The following ARHGAP31 variants were observed in gnomAD, a reference collection of about 807,000 sequenced individuals.
The protein encoded by ARHGAP31 is Rho GTPase activating protein 31.
Under a neutral mutation model 113.9 loss-of-function variants are expected in ARHGAP31, and 34 were observed. The observed-to-expected ratio is 0.30, with a 90% CI of 0.23 to 0.40. ARHGAP31 has a LOEUF of 0.40. ARHGAP31 is among the 10% of genes least tolerant of loss of function. The pLI, the probability that ARHGAP31 is intolerant of heterozygous loss-of-function variation, is 1.00. For missense variants in ARHGAP31, 1,548 were observed against 1,767.1 expected (o/e 0.88, Z 2.22); for synonymous variants, 650 against 684.8 (o/e 0.95, Z 0.79).
intron 1 of ARHGAP31, among the ~76,000 whole-genome samples, chr3:119,301,361 G>A (rs558717910): frequency 6.6e-6 from 1 of 152,352 alleles, no homozygotes; most frequent in East Asian, 1.9e-4. Flanking sequence ...GTGAGGGAGA[G>A]CTGAAGGCCT....
In ARHGAP31 at chr3:119,383,245, A is replaced by G. The variant is rs72966429; in HGVS notation, c.682+19A>G. ...AATGATGGTAAGGACTCCTCCTAGC[A>G]TACACTCCACCAGCTTATCCTTCTT... On this transcript the variant is annotated intron_variant, in intron 6 of 11. Coordinates refer to ENST00000264245, the MANE Select transcript of ARHGAP31 (RefSeq NM_020754.4). 2.5e-6 allele frequency: 4 copies of G among 1,613,886 alleles called. No homozygotes were observed. Among genetic ancestry groups the G allele is most frequent in the Non-Finnish European group, 3.4e-6 (4 of 1,179,880 alleles).
intron 1 of ARHGAP31, among the ~76,000 whole-genome samples, chr3:119,336,713 A>G (rs1231913170): frequency 6.6e-6 from 1 of 152,260 alleles, no homozygotes; most frequent in Non-Finnish European, 1.5e-5. Context: ...TAGTTTTAGT[A>G]TAATCATATG....
chr3:119,329,832 T>C (rs1397033290), intron 1 of ARHGAP31: 1 of 985,352 alleles, frequency 1.0e-6, no homozygotes, highest in East Asian at 1.1e-4. Context: ...GAGGAGTCTG[T>C]CCGCACTGTC....
At chr3:119,396,838 G>C (rs1287287364) in intron 8 of ARHGAP31, among the ~76,000 whole-genome samples, 1 of 152,036 alleles carries the variant, frequency 6.6e-6, no homozygotes, top group African/African-American at 2.4e-5. Flanking sequence ...ATAAAGTATA[G>C]GAAAAAATGG....
chr3:119,336,433 C>T (rs1253042187), intron 1 of ARHGAP31, among the ~76,000 whole-genome samples: 1 of 152,106 alleles, frequency 6.6e-6, no homozygotes. Flanking sequence ...TACCATCATG[C>T]AGCAGCGGGA....
chr3:119,402,214 G>A lies in ARHGAP31; in HGVS notation c.1462G>A (p.Glu488Lys). ...CCAGCGCAAGGCGCTGAACATCTCC[G>A]AGCCCTTTGCGGTATCTGTGCCGCT... Reference protein sequence around the residue: ...RNQRKALNISEPFAVSVPLRV... With the variant: ...RNQRKALNISKPFAVSVPLRV... Residue 488 changes from glutamate to lysine, a missense_variant, in exon 10 of 12, where the codon GAG becomes AAG. Physicochemically the swap from Glu to Lys is moderately conservative, Grantham distance 56. Coordinates refer to ENST00000264245, the MANE Select transcript of ARHGAP31 (RefSeq NM_020754.4). 1 of 1,614,250 alleles carries A rather than the reference G, an allele frequency of 6.2e-7. No individual in the cohort carries two copies. Among genetic ancestry groups the A allele is most frequent in the East Asian group, 2.2e-5 (1 of 44,890 alleles).
At chr3:119,352,755 T>C (rs964538897) in intron 1 of ARHGAP31, among the ~76,000 whole-genome samples, 2 of 152,170 alleles carry the variant, frequency 1.3e-5, no homozygotes, top group African/African-American at 2.4e-5. Flanking sequence ...ATTGTTTTGG[T>C]GTAGGGGAGC....
chr3:119,363,356 G>A (rs2080226584), intron 1 of ARHGAP31, among the ~76,000 whole-genome samples: 1 of 152,076 alleles, frequency 6.6e-6, no homozygotes, highest in Admixed American at 6.5e-5. Flanking sequence ...GTTGAAGACA[G>A]GCAGAGGCTC....
chr3:119,381,854 C>A lies in ARHGAP31; in HGVS notation c.432-438C>A, dbSNP rs527733239. Among the ~76,000 whole-genome samples the A allele has an allele frequency of 7.2e-5, 11 of 152,248 alleles. No homozygotes were observed. In the East Asian group the frequency reaches 1.9e-3, roughly 27 times the overall value. ...ACAAAAAATTAGCCGGGCGTGGTGGCGGGCGCCTTTAGTTCCAGCTAGTGG... is the reference window on the plus strand; with the variant it reads ...ACAAAAAATTAGCCGGGCGTGGTGGAGGGCGCCTTTAGTTCCAGCTAGTGG... On this transcript the variant is annotated intron_variant, in intron 4 of 11. Coordinates refer to ENST00000264245, the MANE Select transcript of ARHGAP31 (RefSeq NM_020754.4).
At chr3:119,310,756 A>G (rs968447031) in intron 1 of ARHGAP31, among the ~76,000 whole-genome samples, 1 of 152,206 alleles carries the variant, frequency 6.6e-6, no homozygotes, top group African/African-American at 2.4e-5. Context: ...GACAACCACC[A>G]TTTAGCGAGA....
Position 119,294,485 on chromosome 3 carries a change from C to A in ARHGAP31, c.-420C>A. ...GCCCAGGGCGCAGGACCCACCGCAG[C>A]CCCCTGGGCAGTCTCCTCGCCCCGC... On this transcript the variant is annotated 5_prime_UTR_variant, in exon 1 of 12. Transcript: ENST00000264245. 2.3e-6 allele frequency: 1 copy of A among 436,322 alleles called. No individual in the cohort carries two copies. 27.0% of individuals were successfully genotyped at this position (436,322 alleles called of 1,614,324 possible). A position where few individuals can be genotyped will look rare whatever the true frequency, so the allele number is the denominator to read the frequency against.
chr3:119,298,859 G>C (rs10934489), intron 1 of ARHGAP31: 74,788 of 218,838 alleles, frequency 0.34, 15,787 homozygotes, highest in African/African-American at 0.65. Flanking sequence ...ATATACTTCC[G>C]AAGTTGTATG....
chr3:119,416,090 T>A lies in ARHGAP31; in HGVS notation c.4161T>A (p.Leu1387=). 6 of 1,614,094 alleles carry A rather than the reference T, an allele frequency of 3.7e-6. No homozygotes were observed. Among genetic ancestry groups the A allele is most frequent in the Non-Finnish European group, 5.1e-6 (6 of 1,180,010 alleles). Residue 1387 remains leucine, a synonymous_variant, in exon 12 of 12, where the codon CTT becomes CTA. Coordinates refer to ENST00000264245, the MANE Select transcript of ARHGAP31 (RefSeq NM_020754.4). ...RSPTQTVSPG[L]LCGELAENTW... ...CCACCCAGACAGTTTCCCCTGGCCTTCTTTGTGGAGAGTTGGCAGAAAACA... is the reference window on the plus strand; with the variant it reads ...CCACCCAGACAGTTTCCCCTGGCCTACTTTGTGGAGAGTTGGCAGAAAACA...
intron 1 of ARHGAP31, among the ~76,000 whole-genome samples, chr3:119,346,897 T>G (rs1049215017): frequency 3.9e-5 from 6 of 152,222 alleles, no homozygotes; most frequent in Non-Finnish European, 8.8e-5. Context: ...TTCCTGGTGC[T>G]GAATCAGGCA....
At chr3:119,381,697 G>A (rs1024474095) in intron 4 of ARHGAP31, among the ~76,000 whole-genome samples, 8 of 152,164 alleles carry the variant, frequency 5.3e-5, no homozygotes, top group African/African-American at 1.9e-4. Flanking sequence ...GCCACTAAGA[G>A]CCTCCAGGCG....
intron 1 of ARHGAP31, among the ~76,000 whole-genome samples, chr3:119,303,789 G>T (rs112869065): frequency 0.11 from 15,237 of 144,814 alleles, 860 homozygotes; most frequent in Non-Finnish European, 0.12. Flanking sequence ...CATGTTTTTT[G>T]TTGTTGTTGT....
intron 10 of ARHGAP31, among the ~76,000 whole-genome samples, chr3:119,407,314 T>A (rs1461674858): frequency 1.4e-4 from 19 of 135,254 alleles, no homozygotes; most frequent in Non-Finnish European, 2.6e-4. Context: ...ACCACTGCAC[T>A]CCAGCCTGGG....
At chr3:119,337,791 G>A (rs993369597) in intron 1 of ARHGAP31, among the ~76,000 whole-genome samples, 1 of 152,130 alleles carries the variant, frequency 6.6e-6, no homozygotes, top group Non-Finnish European at 1.5e-5. Flanking sequence ...GCTAGACACA[G>A]AGCACTGATT....
At chr3:119,386,739 C>T (rs545028395) in intron 6 of ARHGAP31, among the ~76,000 whole-genome samples, 1 of 152,188 alleles carries the variant, frequency 6.6e-6, no homozygotes, top group Non-Finnish European at 1.5e-5. Context: ...GCAGAAGGAG[C>T]AGGGTAAAGA....
Sources: allele counts gnomAD v4.1 joint callset (sites outside exome capture counted in the v4.1 genomes callset), GRCh38; gene constraint gnomAD v4.1.1; transcripts MANE v1.5; gene names NCBI Gene and HGNC (gene_info 2026-07-23, HGNC 2026-07-21).